The following TRIM72 variants were observed in gnomAD, a reference collection of about 807,000 sequenced individuals.
TRIM72 encodes the protein tripartite motif-containing protein 72.
In TRIM72, 33 loss-of-function variants were observed where a neutral mutation model predicts 31.6. The ratio of observed to expected loss-of-function variants is 1.04; its 90% CI spans 0.79 to 1.40. The LOEUF (loss-of-function observed/expected upper bound fraction) is 1.40, where lower values mean the gene tolerates loss of function less well. Among genes scored for constraint, TRIM72 ranks in the 40% most tolerant of loss-of-function variants. TRIM72 has a pLI of 0.00. For synonymous variants in TRIM72, 301 were observed against 314.4 expected (o/e 0.96, Z 0.45); for missense variants, 666 against 682.7 (o/e 0.98, Z 0.27).
chr16:31,223,047 G>T, intron 6 of TRIM72, 102 bp downstream of exon 6: 1 of 855,248 alleles, frequency 1.2e-6, no homozygotes, highest in South Asian at 1.6e-5. Flanking sequence ...GGAGGCCACT[G>T]AAGGAGGTAC....
intron 6 of TRIM72, among the ~76,000 whole-genome samples, chr16:31,223,974 C>G (rs1349881282): frequency 6.6e-6 from 1 of 152,108 alleles, no homozygotes; most frequent in African/African-American, 2.4e-5. Context: ...AAAATGCAGG[C>G]CTGCCTGCAA....
chr16:31,222,482 C>CCTTT (rs2079538287), intron 5 of TRIM72, among the ~76,000 whole-genome samples: 1 of 117,982 alleles, frequency 8.5e-6, no homozygotes, highest in Non-Finnish European at 1.7e-5. Flanking sequence ...TCTTCTTCTT[C>CCTTT]TTTTTTTTTT....
chr16:31,224,781 G>A lies in TRIM72; in HGVS notation c.*26G>A, dbSNP rs2079549525. The A allele has an allele frequency of 3.5e-6, 5 of 1,436,610 alleles. 1 individual carries two copies. The highest frequency in any genetic ancestry group is 2.9e-5 in the South Asian group (2 of 69,416). 89.0% of individuals were successfully genotyped at this position (1,436,610 alleles called of 1,614,324 possible). On this transcript the variant is annotated 3_prime_UTR_variant, in exon 7 of 7. Transcript: ENST00000322122. ...GCCGCCGGACGGGTAGTGGAGGGGC[G>A]CGGGGGCCTGGGTTGAAGCTTAGGT... is the stretch of plus-strand genomic sequence containing the variant.
rs75637633 is a variant in TRIM72, at chr16:31,219,520, G to A, written c.717+1G>A. 2.2e-5 allele frequency: 36 copies of A among 1,610,560 alleles called. No homozygotes were observed. The African/African-American group carries it at 4.0e-4, about 18-fold the overall frequency. The stretch of plus-strand genomic sequence containing the variant: ...CAAGCCGCAGACTGAGTTCCTCATG[G>A]TGAGCACTGGGTGACCCCCCTCCCT... On this transcript the variant is annotated splice_donor_variant, in intron 4 of 6. Coordinates refer to ENST00000322122, the MANE Select transcript of TRIM72 (RefSeq NM_001008274.4). LOFTEE classifies it high-confidence loss of function. This position sits in a 1 kb window ranked among gnomAD's most constrained non-coding sequence, Gnocchi z 4.2.
chr16:31,216,831 G>T lies in TRIM72; in HGVS notation c.390+1703G>T, dbSNP rs1457032945. On this transcript the variant is annotated intron_variant, in intron 2 of 6. Transcript: ENST00000322122. The surrounding 1 kb of genome is among the most constrained non-coding windows in gnomAD (Gnocchi z 6.7). ...CGCGCAGCACGGCCACGACGAGCTC[G>T]GCTGCGTAGTCCTCGTAGTAGGAGG... 6.2e-7 allele frequency: 1 copy of T among 1,613,548 alleles called. No individual in the cohort carries two copies. The highest frequency in any genetic ancestry group is 8.5e-7 in the Non-Finnish European group (1 of 1,179,846).
Position 31,215,240 on chromosome 16 carries a change from C to G in TRIM72, c.390+112C>G. The G allele has an allele frequency of 7.4e-5, 62 of 837,294 alleles. No homozygotes were observed. Among genetic ancestry groups the G allele is most frequent in the Middle Eastern group, 4.2e-4 (1 of 2,374 alleles). 51.9% of individuals were successfully genotyped at this position (837,294 alleles called of 1,614,324 possible). On this transcript the variant is annotated intron_variant, in intron 2 of 6. Coordinates refer to ENST00000322122, the MANE Select transcript of TRIM72 (RefSeq NM_001008274.4). The surrounding 1 kb of genome is among the most constrained non-coding windows in gnomAD (Gnocchi z 6.3). ...AGTCTCTAGAGAGGCTCACGAGCTCCTGGAGTTGCGGGGGGCGGGGGCGGG... is the reference window on the plus strand; with the variant it reads ...AGTCTCTAGAGAGGCTCACGAGCTCGTGGAGTTGCGGGGGGCGGGGGCGGG...
In TRIM72 at chr16:31,229,324, T is replaced by C. The variant is rs1382828176; in HGVS notation, c.*4569T>C. 6.6e-6 allele frequency: 1 copy of C among 152,248 alleles called. No individual in the cohort carries two copies. Among genetic ancestry groups the C allele is most frequent in the African/African-American group, 2.4e-5 (1 of 41,452 alleles). 9.4% of individuals were successfully genotyped at this position (152,248 alleles called of 1,614,324 possible). On this transcript the variant is annotated 3_prime_UTR_variant, in exon 7 of 7. Coordinates refer to ENST00000322122, the MANE Select transcript of TRIM72 (RefSeq NM_001008274.4). ...CCACCGTCCAAACACTCCTGTGCCT[T>C]CCGGGACCCGGGCTGGCTTTAGTCT... is the stretch of plus-strand genomic sequence containing the variant.
intron 2 of TRIM72, chr16:31,217,073 AG>A: frequency 6.4e-7 from 1 of 1,571,206 alleles, no homozygotes; most frequent in Non-Finnish European, 8.7e-7. Context: ...TGGAGCCATC[AG>A]GTCCTACCTT....
rs1160718865 is a variant in TRIM72, at chr16:31,225,643, C to CTTTTTTTTTTT, written c.*904_*914dup. On this transcript the variant is annotated 3_prime_UTR_variant, in exon 7 of 7. Transcript: ENST00000322122. ...AAATGCTCATTTCTTTTTTTTATTT[C>CTTTTTTTTTTT]TTTTTTTTTTTTTTTTTTTTTTTTT... The CTTTTTTTTTTT allele has an allele frequency of 8.6e-5, 7 of 81,094 alleles. No homozygotes were observed. Among genetic ancestry groups the CTTTTTTTTTTT allele is most frequent in the Non-Finnish European group, 1.5e-4 (6 of 40,644 alleles). 5.0% of individuals were successfully genotyped at this position (81,094 alleles called of 1,614,324 possible).
intron 6 of TRIM72, among the ~76,000 whole-genome samples, chr16:31,223,715 G>A (rs2079543259): frequency 6.6e-6 from 1 of 152,032 alleles, no homozygotes; most frequent in Non-Finnish European, 1.5e-5. Context: ...ACCAGCCTGG[G>A]CAACATAGTG....
Position 31,224,763 on chromosome 16 carries a change from G to C in TRIM72, c.*8G>C, listed in dbSNP as rs1189134561. The C allele has an allele frequency of 6.8e-7, 1 of 1,467,026 alleles. No homozygotes were observed. Among genetic ancestry groups the C allele is most frequent in the South Asian group, 1.3e-5 (1 of 75,686 alleles). 90.9% of individuals were successfully genotyped at this position (1,467,026 alleles called of 1,614,324 possible). ...GAAGGCGCCGAGGCCTGAGCCGCCG[G>C]ACGGGTAGTGGAGGGGCGCGGGGGC... On this transcript the variant is annotated 3_prime_UTR_variant, in exon 7 of 7. Transcript: ENST00000322122.
chr16:31,221,476 A>C (rs763816405), intron 5 of TRIM72, among the ~76,000 whole-genome samples: 5 of 142,668 alleles, frequency 3.5e-5, no homozygotes, highest in African/African-American at 5.3e-5. Flanking sequence ...TGCTGGGAGA[A>C]GAAGGGCATT....
rs1298908913 is a variant in TRIM72 at position 31,215,562 on chromosome 16, G to A, written c.390+434G>A. On this transcript the variant is annotated intron_variant, in intron 2 of 6. Transcript: ENST00000322122. This position sits in a 1 kb window ranked among gnomAD's most constrained non-coding sequence, Gnocchi z 6.3. ...CTGGCCCACTTTGGACTGGAGGCGC[G>A]GCGTTCGGGACCGAGCCAGGCGGCC... Among the ~76,000 whole-genome samples the A allele has an allele frequency of 1.3e-5, 2 of 152,072 alleles. No homozygotes were observed. The highest frequency in any genetic ancestry group is 4.8e-5 in the African/African-American group (2 of 41,422).
chr16:31,224,582 G>T lies in TRIM72; in HGVS notation c.1261G>T (p.Asp421Tyr). The T allele has an allele frequency of 6.4e-7, 1 of 1,553,546 alleles. No homozygotes were observed. The highest frequency in any genetic ancestry group is 8.7e-7 in the Non-Finnish European group (1 of 1,155,202). ...TRIGLYLSFG[D>Y]GVLSFYDASD... ...CATTGGCCTTTACCTGAGCTTCGGC[G>T]ACGGCGTCCTCTCCTTCTACGATGC... is the stretch of plus-strand genomic sequence containing the variant. Residue 421 changes from aspartate to tyrosine, a missense_variant, in exon 7 of 7, where the codon GAC becomes TAC. By Grantham distance (160) the Asp-to-Tyr change is radical. Transcript: ENST00000322122.
intron 6 of TRIM72, among the ~76,000 whole-genome samples, chr16:31,223,512 A>G (rs2079542573): frequency 6.6e-6 from 1 of 152,230 alleles, no homozygotes; most frequent in Non-Finnish European, 1.5e-5. Flanking sequence ...ACTAAGGCTC[A>G]GAGACTGGGT....
intron 5 of TRIM72, 37 bp downstream of exon 5, chr16:31,220,955 G>C: frequency 1.2e-6 from 2 of 1,613,902 alleles, no homozygotes; most frequent in Non-Finnish European, 1.7e-6. Flanking sequence ...TGCCCGACTT[G>C]TCCCAGTCTT....
In TRIM72 at chr16:31,229,438, A is replaced by G. The variant is rs980465943; in HGVS notation, c.*4683A>G. On this transcript the variant is annotated 3_prime_UTR_variant, in exon 7 of 7. Transcript: ENST00000322122. Reference sequence around the variant, plus strand: ...AAGCTGCCACAGGTTCTTTCTGCGTATAGTTGCCCCAGCTTGAGCTGCATG... The same window carrying G: ...AAGCTGCCACAGGTTCTTTCTGCGTGTAGTTGCCCCAGCTTGAGCTGCATG... 6.6e-6 allele frequency: 1 copy of G among 152,276 alleles called. No homozygotes were observed. The highest frequency in any genetic ancestry group is 2.4e-5 in the African/African-American group (1 of 41,462). 9.4% of individuals were successfully genotyped at this position (152,276 alleles called of 1,614,324 possible).
intron 2 of TRIM72, chr16:31,217,066 A>T: frequency 6.3e-7 from 1 of 1,591,062 alleles, no homozygotes; most frequent in South Asian, 1.1e-5. Flanking sequence ...GAGGGCCTGG[A>T]GCCATCAGGT....
At chr16:31,220,456 GTTTT>G (rs71151452) in intron 4 of TRIM72, among the ~76,000 whole-genome samples, 1 of 29,560 alleles carries the variant, frequency 3.4e-5, no homozygotes, top group African/African-American at 1.5e-4. Flanking sequence ...TCTCTTTTGC[GTTTT>G]TTTTTTTTTT....
Sources: allele counts gnomAD v4.1 joint callset (sites outside exome capture counted in the v4.1 genomes callset), GRCh38; gene constraint gnomAD v4.1.1; non-coding constraint Gnocchi (gnomAD v3.1); transcripts MANE v1.5; gene names NCBI Gene and HGNC (gene_info 2026-07-23, HGNC 2026-07-21).